The following FMN2 variants were observed in gnomAD, a reference collection of about 807,000 sequenced individuals.
FMN2 encodes formin 2, also known as formin-2.
In FMN2, 51 loss-of-function variants were observed where a neutral mutation model predicts 142.3. The ratio of observed to expected loss-of-function variants is 0.36; its 90% CI spans 0.29 to 0.45. The LOEUF (loss-of-function observed/expected upper bound fraction) is 0.45, where lower values mean the gene tolerates loss of function less well. FMN2 is among the 20% of genes least tolerant of loss of function. The probability of loss-of-function intolerance (pLI) is 1.00; values close to 1 mark genes in which losing one functional copy is unlikely to be tolerated. For synonymous variants in FMN2, 882 were observed against 869.8 expected, an observed-to-expected ratio of 1.01 and a Z score of -0.25; for missense variants, 1,936 against 2,122.8, an observed-to-expected ratio of 0.91 and a Z score of 1.73.
At position 240,134,072 on chromosome 1, in the gene FMN2, A is replaced by G. The variant is rs145941820; in HGVS notation, c.1782+10727A>G. Among the ~76,000 whole-genome samples, 788 of 152,344 alleles carry G rather than the reference A, an allele frequency of 5.2e-3. 3 individuals are homozygous for G. Among genetic ancestry groups the G allele is most frequent in the South Asian group, 0.031 (151 of 4,828 alleles). ...GGAGTTGTTTTGAAGATTAAATGAG[A>G]TTAATTTATTAGGCATTTAGCACAA... On this transcript the variant is annotated intron_variant, in intron 2 of 17. Coordinates refer to ENST00000319653, the MANE Select transcript of FMN2 (RefSeq NM_020066.5).
intron 14 of FMN2, among the ~76,000 whole-genome samples, chr1:240,377,806 TTATTA>T (rs969134918): frequency 6.6e-6 from 1 of 152,130 alleles, no homozygotes; most frequent in African/African-American, 2.4e-5. Flanking sequence ...CCCCCTTAAT[TTATTA>T]TATTATATTC....
At chr1:240,141,977 C>T (rs1663204621) in intron 2 of FMN2, among the ~76,000 whole-genome samples, 1 of 152,100 alleles carries the variant, frequency 6.6e-6, no homozygotes, top group South Asian at 2.1e-4. Flanking sequence ...GACTTAGTTC[C>T]CATGATGCTA....
intron 8 of FMN2, among the ~76,000 whole-genome samples, chr1:240,314,366 C>A (rs989057043): frequency 6.6e-6 from 1 of 152,096 alleles, no homozygotes; most frequent in Admixed American, 6.6e-5. Context: ...TGCTGTATTA[C>A]GTCTATGCCA....
chr1:240,361,217 C>T (rs1336256254), intron 14 of FMN2, among the ~76,000 whole-genome samples: 1 of 141,452 alleles, frequency 7.1e-6, no homozygotes, highest in Non-Finnish European at 1.5e-5. Flanking sequence ...AAACACGACA[C>T]GAAGAAATGG....
intron 6 of FMN2, among the ~76,000 whole-genome samples, chr1:240,253,248 C>T (rs116067539): frequency 0.017 from 2,614 of 151,056 alleles, 72 homozygotes; most frequent in African/African-American, 0.061. Flanking sequence ...GGATTACAGA[C>T]GTGAGACACT....
intron 6 of FMN2, among the ~76,000 whole-genome samples, chr1:240,234,086 A>G (rs1667616764): frequency 6.6e-6 from 1 of 152,302 alleles, no homozygotes; most frequent in Admixed American, 6.5e-5. Context: ...TTAAACTCAT[A>G]GACAGCCGTG....
intron 5 of FMN2, 113 bp from the exon 6 acceptor site, chr1:240,210,978 C>T (rs1166357909): frequency 1.3e-5 from 11 of 860,158 alleles, no homozygotes; most frequent in East Asian, 2.7e-5. Flanking sequence ...TCTTCTTTTT[C>T]CCTCCTTCCC....
rs968237867 is a variant in FMN2 at position 240,180,198 on chromosome 1, T to C, written c.1930+2130T>C. On this transcript the variant is annotated intron_variant, in intron 3 of 17. Transcript: ENST00000319653. The stretch of plus-strand genomic sequence containing the variant: ...TGATGGAGGTAAGAAGTAATTTAAC[T>C]TAGTGACTTATTTTTCTCTTGTTGA... 3 of 1,275,482 alleles carry C rather than the reference T, an allele frequency of 2.4e-6. No individual in the cohort carries two copies. The African/African-American group carries it at 4.6e-5, about 20-fold the overall frequency. The allele number at this position is 1,275,482 out of a possible 1,614,324, so 79.0% of individuals were successfully genotyped here. A position where few individuals can be genotyped will look rare whatever the true frequency, so the allele number is the denominator to read the frequency against.
intron 14 of FMN2, among the ~76,000 whole-genome samples, chr1:240,361,123 T>TAATAAATA (rs1254385346): frequency 1.4e-5 from 1 of 72,226 alleles, no homozygotes; most frequent in African/African-American, 5.5e-5. Context: ...AGTATAATAA[T>TAATAAATA]AATAAATAAA....
rs1019862357 is a variant in FMN2, at chr1:240,474,087, T to C, written c.5143-41T>C. ...CTAAATTCTTTCCATTTTTAAAAGTTCTTTCTAACTAAAACTTTTATCTGG... is the reference window on the plus strand; with the variant it reads ...CTAAATTCTTTCCATTTTTAAAAGTCCTTTCTAACTAAAACTTTTATCTGG... On this transcript the variant is annotated intron_variant, in intron 17 of 17. Transcript: ENST00000319653. 2.6e-6 allele frequency: 4 copies of C among 1,527,646 alleles called. No homozygotes were observed. The African/African-American group carries it at 5.7e-5, about 22-fold the overall frequency. The allele number at this position is 1,527,646 out of a possible 1,614,324, so 94.6% of individuals were successfully genotyped here.
At chr1:240,104,368 A>G (rs1572751131) in intron 1 of FMN2, among the ~76,000 whole-genome samples, 1 of 151,874 alleles carries the variant, frequency 6.6e-6, no homozygotes, top group Non-Finnish European at 1.5e-5. Flanking sequence ...AATTTTAGGT[A>G]TTATTAACAC....
At position 240,123,903 on chromosome 1, in the gene FMN2, A is replaced by C. The variant is rs539781498; in HGVS notation, c.1782+558A>C. ...AATCTGACTATGCTAGGTAGCTCAT[A>C]TAAGTGGAATTATACAGTATTTGTC... is the stretch of plus-strand genomic sequence containing the variant. On this transcript the variant is annotated intron_variant, in intron 2 of 17. Coordinates refer to ENST00000319653, the MANE Select transcript of FMN2 (RefSeq NM_020066.5). Among the ~76,000 whole-genome samples, 137 of 152,340 alleles carry C rather than the reference A, an allele frequency of 9.0e-4. 1 individual carries two copies. The highest frequency in any genetic ancestry group is 3.1e-3 in the African/African-American group (130 of 41,576).
chr1:240,263,785 C>T (rs1309724986), intron 7 of FMN2, among the ~76,000 whole-genome samples: 1 of 152,118 alleles, frequency 6.6e-6, no homozygotes, highest in African/African-American at 2.4e-5. Flanking sequence ...TACGGAAACA[C>T]GTTTCAATAT....
At chr1:240,117,840 G>A (rs942484616) in intron 1 of FMN2, among the ~76,000 whole-genome samples, 1 of 152,216 alleles carries the variant, frequency 6.6e-6, no homozygotes, top group African/African-American at 2.4e-5. Context: ...CTGAAATGGA[G>A]TTTACGCTCC....
intron 8 of FMN2, among the ~76,000 whole-genome samples, chr1:240,306,170 G>A (rs887649116): frequency 1.3e-4 from 20 of 152,088 alleles, no homozygotes; most frequent in African/African-American, 3.9e-4. Context: ...GGCTGGTCTC[G>A]GACTCCTGAC....
At chr1:240,219,138 T>A (rs1352944662) in intron 6 of FMN2, among the ~76,000 whole-genome samples, 1 of 152,204 alleles carries the variant, frequency 6.6e-6, no homozygotes, top group East Asian at 1.9e-4. Context: ...GTTTTAGGAA[T>A]GTGAATGTAG....
chr1:240,446,028 G>C (rs981225709), intron 16 of FMN2, among the ~76,000 whole-genome samples: 1 of 152,114 alleles, frequency 6.6e-6, no homozygotes, highest in Non-Finnish European at 1.5e-5. Flanking sequence ...TATTCACTAG[G>C]ATGCTAGAGA....
chr1:240,116,977 C>T (rs1454396665), intron 1 of FMN2, among the ~76,000 whole-genome samples: 9 of 151,192 alleles, frequency 6.0e-5, no homozygotes, highest in East Asian at 5.8e-4. Context: ...TTTGTTCTTT[C>T]GGTTTTTTTT....
chr1:240,217,832 C>T, intron 6 of FMN2, among the ~76,000 whole-genome samples: 1 of 151,642 alleles, frequency 6.6e-6, no homozygotes, highest in East Asian at 1.9e-4. Context: ...AATACACCAG[C>T]ATAATATAAA....
Sources: gnomAD v4.1 joint callset for allele counts (sites outside exome capture counted in the v4.1 genomes callset) on GRCh38, gnomAD v4.1.1 for gene constraint, MANE v1.5 for transcripts, NCBI Gene and HGNC (gene_info 2026-07-23, HGNC 2026-07-21) for gene names.